CLCC1: variants seen among roughly 807,000 people sequenced by gnomAD.
CLCC1 encodes the protein chloride channel CLIC-like protein 1.
A neutral mutation model predicts 63.3 loss-of-function variants in CLCC1; 39 were observed. The ratio of observed to expected loss-of-function variants is 0.62; its 90% confidence interval spans 0.48 to 0.81. CLCC1 has a LOEUF of 0.81. Among genes scored for constraint, CLCC1 ranks in the 30% least tolerant of loss-of-function variants. The pLI, the probability that CLCC1 is intolerant of heterozygous loss-of-function variation, is 0.00. For missense variants in CLCC1, 549 were observed against 669.4 expected, an observed-to-expected ratio of 0.82 and a Z score of 1.98; for synonymous variants, 217 against 239.8, an observed-to-expected ratio of 0.90 and a Z score of 0.88.
intron 2 of CLCC1, among the ~76,000 whole-genome samples, chr1:108,955,665 G>A (rs1178621633): frequency 1.3e-5 from 2 of 151,484 alleles, no homozygotes; most frequent in African/African-American, 4.9e-5. Flanking sequence ...ACTGAGTGTG[G>A]AAGATCCACC....
chr1:108,929,830 C>A lies in CLCC1; in HGVS notation c.*2717G>T. 6.2e-7 allele frequency: 1 copy of A among 1,614,024 alleles called. No individual in the cohort carries two copies. Among genetic ancestry groups the A allele is most frequent in the Non-Finnish European group, 8.5e-7 (1 of 1,179,952 alleles). ...AAAGAGAATGGATGAACAGAGAGTT[C>A]TTTTACAAAGAGATCAAAACAGAGA... On this transcript the variant is annotated 3_prime_UTR_variant, in exon 13 of 13. Coordinates refer to ENST00000369969, the MANE Select transcript of CLCC1 (RefSeq NM_001377458.1).
intron 8 of CLCC1, 64 bp downstream of exon 8, chr1:108,941,341 G>C: frequency 7.3e-7 from 1 of 1,374,630 alleles, no homozygotes; most frequent in Non-Finnish European, 1.0e-6. Flanking sequence ...CATTCTCTTT[G>C]TTCTATGTTC....
chr1:108,959,430 T>C (rs1330230179), intron 2 of CLCC1, among the ~76,000 whole-genome samples: 1 of 152,146 alleles, frequency 6.6e-6, no homozygotes, highest in African/African-American at 2.4e-5. Context: ...ACAAAACTTG[T>C]ATCCATGAAA....
chr1:108,951,411 C>T (rs1432595046), intron 2 of CLCC1, among the ~76,000 whole-genome samples: 1 of 152,078 alleles, frequency 6.6e-6, no homozygotes, highest in Non-Finnish European at 1.5e-5. Context: ...AAACAAATTT[C>T]CATTAACTGA....
intron 2 of CLCC1, among the ~76,000 whole-genome samples, chr1:108,958,292 A>T (rs1365827970): frequency 1.3e-5 from 2 of 151,530 alleles, no homozygotes; most frequent in Non-Finnish European, 2.9e-5. Flanking sequence ...GGAAAATTCC[A>T]GAAGTAAACA....
In CLCC1 at chr1:108,956,882, A is replaced by AGGCTGGGAGGCG. The variant is rs756017179; in HGVS notation, c.-12+5426_-12+5427insCGCCTCCCAGCC. On this transcript the variant is annotated intron_variant, in intron 2 of 12. Transcript: ENST00000369969. ...GGGTCTTGGGAATGAGCTGGGAGGC[A>AGGCTGGGAGGCG]GGGAGGCGGGGAGGCGGGGAGGCGG... Among the ~76,000 whole-genome samples, 177 of 104,404 alleles carry AGGCTGGGAGGCG rather than the reference A, an allele frequency of 1.7e-3. 8 individuals are homozygous for AGGCTGGGAGGCG. The highest frequency in any genetic ancestry group is 3.7e-3 in the East Asian group (14 of 3,830). The allele number at this position is 104,404 out of a possible 152,430, so 68.5% of individuals were successfully genotyped here.
At chr1:108,939,490 T>A in intron 10 of CLCC1, 146 bp downstream of exon 10, 1 of 545,230 alleles carries the variant, frequency 1.8e-6, no homozygotes, top group Non-Finnish European at 2.8e-6. Flanking sequence ...GTATTTTTTT[T>A]AGTAGAGACA....
chr1:108,948,122 A>G lies in CLCC1; in HGVS notation c.232-404T>C, dbSNP rs79546411. On this transcript the variant is annotated intron_variant, in intron 4 of 12. Transcript: ENST00000369969. ...AGAGTAGAATAAATACACAGAGAGA[A>G]ACAAAGGGACAGAGAAACAGAAACA... is the stretch of plus-strand genomic sequence containing the variant. 5.1e-3 allele frequency among the ~76,000 whole-genome samples: 771 copies of G among 152,322 alleles called. 11 individuals carry two copies. The highest frequency in any genetic ancestry group is 0.017 in the African/African-American group (722 of 41,570).
At chr1:108,942,680 C>A (rs1241150968) in intron 7 of CLCC1, among the ~76,000 whole-genome samples, 1 of 152,096 alleles carries the variant, frequency 6.6e-6, no homozygotes, top group African/African-American at 2.4e-5. Context: ...GAAAGAAATA[C>A]CTTAAACTAC....
At chr1:108,955,781 G>A (rs1014090456) in intron 2 of CLCC1, among the ~76,000 whole-genome samples, 3 of 151,468 alleles carry the variant, frequency 2.0e-5, no homozygotes, top group African/African-American at 7.4e-5. Flanking sequence ...TTCTTCTCCT[G>A]TCACTGGACA....
chr1:108,958,844 C>T (rs1656259573), intron 2 of CLCC1, among the ~76,000 whole-genome samples: 1 of 149,922 alleles, frequency 6.7e-6, no homozygotes, highest in Admixed American at 6.6e-5. Flanking sequence ...TACACCACTG[C>T]ACTCTAGCCA....
At chr1:108,959,622 T>A (rs1043243007) in intron 2 of CLCC1, among the ~76,000 whole-genome samples, 1 of 152,226 alleles carries the variant, frequency 6.6e-6, no homozygotes, top group Non-Finnish European at 1.5e-5. Context: ...GAGGAATAGA[T>A]GTATAGGAAA....
intron 12 of CLCC1, 80 bp from the exon 13 acceptor site, chr1:108,932,581 A>G (rs1217145255): frequency 6.6e-6 from 1 of 152,208 alleles, no homozygotes; most frequent in African/African-American, 2.4e-5. Context: ...AAGGCATGCA[A>G]GCAGCATTAA....
At chr1:108,953,738 C>T (rs1367756832) in intron 2 of CLCC1, among the ~76,000 whole-genome samples, 1 of 152,230 alleles carries the variant, frequency 6.6e-6, no homozygotes, top group Non-Finnish European at 1.5e-5. Context: ...TGGCCAGGTG[C>T]AGTAGCTCAC....
At chr1:108,948,125 A>T (rs922889737) in intron 4 of CLCC1, among the ~76,000 whole-genome samples, 2 of 152,246 alleles carry the variant, frequency 1.3e-5, no homozygotes, top group East Asian at 3.8e-4. Context: ...AGAGAGAAAC[A>T]AAGGGACAGA....
intron 3 of CLCC1, among the ~76,000 whole-genome samples, 162 bp downstream of exon 3, chr1:108,950,147 G>C (rs1343026444): frequency 6.6e-5 from 10 of 152,094 alleles, no homozygotes. Context: ...ATACCAGGTA[G>C]GTTTGAAATA....
At position 108,931,437 on chromosome 1, in the gene CLCC1, G is replaced by C. The variant is rs1232352615; in HGVS notation, c.*1110C>G. 2 of 1,550,886 alleles carry C rather than the reference G, an allele frequency of 1.3e-6. No individual in the cohort carries two copies. Among genetic ancestry groups the C allele is most frequent in the Non-Finnish European group, 1.7e-6 (2 of 1,147,068 alleles). ...CACAGACTGCAAAGGCCCACGCTTG[G>C]AACAAGTTGCCAACTTGTTTCACTC... On this transcript the variant is annotated 3_prime_UTR_variant, in exon 13 of 13. Transcript: ENST00000369969.
rs1654187439 is a variant in CLCC1 at position 108,943,908 on chromosome 1, CTTAAAATTAA to C, written c.479_488del (p.Ile160SerfsTer24). 1 of 1,613,776 alleles carries C rather than the reference CTTAAAATTAA, an allele frequency of 6.2e-7. No homozygotes were observed. Among genetic ancestry groups the C allele is most frequent in the African/African-American group, 1.3e-5 (1 of 74,910 alleles). The stretch of plus-strand genomic sequence containing the variant: ...ACTTCCATGTTTCAAAATCATGAAA[CTTAAAATTAA>C]TTAAAATATCACTTAGTGCATCATC... On this transcript the variant is annotated frameshift_variant, in exon 6 of 13. Coordinates refer to ENST00000369969, the MANE Select transcript of CLCC1 (RefSeq NM_001377458.1). LOFTEE classifies it high-confidence loss of function.
At position 108,929,579 on chromosome 1, in the gene CLCC1, T is replaced by C; in HGVS notation, c.*2968A>G. The C allele has an allele frequency of 1.2e-6, 1 of 826,556 alleles. No homozygotes were observed. The highest frequency in any genetic ancestry group is 1.5e-5 in the South Asian group (1 of 67,436). 51.2% of individuals were successfully genotyped at this position (826,556 alleles called of 1,614,324 possible). ...AGAACAATATAAAAACAAAGATTAA[T>C]TTCTGAGAAGCCCCAAATAAAAGTT... On this transcript the variant is annotated 3_prime_UTR_variant, in exon 13 of 13. Coordinates refer to ENST00000369969, the MANE Select transcript of CLCC1 (RefSeq NM_001377458.1).
Sources: allele counts gnomAD v4.1 joint callset (sites outside exome capture counted in the v4.1 genomes callset), GRCh38; gene constraint gnomAD v4.1.1; transcripts MANE v1.5; gene names NCBI Gene and HGNC (gene_info 2026-07-23, HGNC 2026-07-21).